The following PBX1 variants were observed in gnomAD, a reference collection of about 807,000 sequenced individuals.
PBX1 encodes the protein pre-B-cell leukemia transcription factor 1.
Under a neutral mutation model 53.4 loss-of-function variants are expected in PBX1, and 6 were observed. The ratio of observed to expected loss-of-function variants is 0.11; its 90% CI spans 0.06 to 0.22. The LOEUF (loss-of-function observed/expected upper bound fraction) is 0.22. Among genes scored for constraint, PBX1 ranks in the 10% least tolerant of loss-of-function variants. The pLI, the probability that PBX1 is intolerant of heterozygous loss-of-function variation, is 1.00. For synonymous variants in PBX1, 204 were observed against 212.3 expected (o/e 0.96, Z 0.34); for missense variants, 251 against 551.4 (o/e 0.46, Z 5.46).
intron 8 of PBX1, among the ~76,000 whole-genome samples, chr1:164,842,128 G>A (rs1009309321): frequency 1.2e-4 from 18 of 152,296 alleles, no homozygotes; most frequent in African/African-American, 2.4e-4. Context: ...CCCTGCAGCC[G>A]CTGCTCAGGG....
chr1:164,827,989 G>C (rs1670550406), intron 8 of PBX1, among the ~76,000 whole-genome samples: 1 of 152,122 alleles, frequency 6.6e-6, no homozygotes, highest in African/African-American at 2.4e-5. Flanking sequence ...GTTCCTAGAA[G>C]ACTAGACCAA....
chr1:164,778,497 C>T (rs541848410), intron 2 of PBX1, among the ~76,000 whole-genome samples: 2 of 152,022 alleles, frequency 1.3e-5, no homozygotes, highest in African/African-American at 4.8e-5. Context: ...AGTAGCCGGG[C>T]GTGGTAGTGT....
At chr1:164,864,964 G>A (rs779446957) in intron 2 of PBX1, among the ~76,000 whole-genome samples, 8 of 152,208 alleles carry the variant, frequency 5.3e-5, no homozygotes, top group Non-Finnish European at 1.0e-4. Context: ...GAGGTCATCC[G>A]TCTGATCTAG....
intron 2 of PBX1, among the ~76,000 whole-genome samples, chr1:164,777,726 C>T (rs1414558216): frequency 6.6e-6 from 1 of 152,132 alleles, no homozygotes; most frequent in African/African-American, 2.4e-5. Flanking sequence ...GCCATCCTGT[C>T]CTCAGTTTTG....
chr1:164,735,630 G>A (rs902986912), intron 2 of PBX1, among the ~76,000 whole-genome samples: 1 of 152,196 alleles, frequency 6.6e-6, no homozygotes, highest in South Asian at 2.1e-4. Flanking sequence ...AGCGGGAGAG[G>A]TGGGGTAACA....
chr1:164,658,118 T>A (rs1386236932), intron 2 of PBX1, among the ~76,000 whole-genome samples: 1 of 145,920 alleles, frequency 6.9e-6, no homozygotes, highest in Non-Finnish European at 1.5e-5. Flanking sequence ...TCTTAACTCA[T>A]AATGGCATTC....
Position 164,581,385 on chromosome 1 carries a change from G to A in PBX1, c.265+18074G>A, listed in dbSNP as rs187309302. On this transcript the variant is annotated intron_variant, in intron 2 of 8. Transcript: ENST00000420696. ...TGGGATTACAGGCACGGGCCACCGC[G>A]CCTGGCTAATTTTTGTATTTTTAGT... Among the ~76,000 whole-genome samples the A allele has an allele frequency of 8.6e-5, 13 of 151,878 alleles. 1 individual carries two copies. The highest frequency in any genetic ancestry group is 1.9e-4 in the African/African-American group (8 of 41,432).
chr1:164,760,760 T>C (rs546415549), intron 2 of PBX1, among the ~76,000 whole-genome samples: 2 of 152,190 alleles, frequency 1.3e-5, no homozygotes, highest in African/African-American at 2.4e-5. Flanking sequence ...CTGGTTCAAT[T>C]ATAAATGAAA....
rs991074761 is a variant in PBX1 at position 164,589,533 on chromosome 1, C to A, written c.265+26222C>A. Among the ~76,000 whole-genome samples, 11 of 152,116 alleles carry A rather than the reference C, an allele frequency of 7.2e-5. No homozygotes were observed. In the South Asian group the frequency reaches 1.9e-3, roughly 26 times the overall value. Reference sequence around the variant, plus strand: ...TTCAGGACACCAGAGAACCATAGAGCAAATTACTTCTTCCAGAGTGCTAAA... The same window carrying A: ...TTCAGGACACCAGAGAACCATAGAGAAAATTACTTCTTCCAGAGTGCTAAA... On this transcript the variant is annotated intron_variant, in intron 2 of 8. Transcript: ENST00000420696.
chr1:164,783,530 C>T (rs1668029610), intron 2 of PBX1, among the ~76,000 whole-genome samples: 1 of 152,142 alleles, frequency 6.6e-6, no homozygotes, highest in Admixed American at 6.5e-5. Context: ...TTATTCTTCC[C>T]AAAGGGATCT....
chr1:164,826,558 C>G (rs575911038), intron 8 of PBX1, among the ~76,000 whole-genome samples: 1 of 152,182 alleles, frequency 6.6e-6, no homozygotes, highest in South Asian at 2.1e-4. Context: ...GTTTGCACCA[C>G]CATGCCCAGC....
intron 2 of PBX1, among the ~76,000 whole-genome samples, chr1:164,578,307 C>T (rs1368588747): frequency 6.6e-6 from 1 of 152,140 alleles, no homozygotes; most frequent in Admixed American, 6.5e-5. Flanking sequence ...GCCCTATGTT[C>T]TGGAGATGTT....
downstream of PBX1, among the ~76,000 whole-genome samples, chr1:164,853,668 T>C (rs1476204348): frequency 6.6e-6 from 1 of 152,170 alleles, no homozygotes; most frequent in Non-Finnish European, 1.5e-5. Context: ...GCACCGAGCC[T>C]GTGGTCATTA....
intron 2 of PBX1, among the ~76,000 whole-genome samples, chr1:164,699,613 T>C (rs1198355834): frequency 6.6e-6 from 1 of 151,988 alleles, no homozygotes; most frequent in Non-Finnish European, 1.5e-5. Flanking sequence ...ACTATGAAGA[T>C]GAAAGGGGGA....
chr1:164,577,787 C>T (rs1456204484), intron 2 of PBX1, among the ~76,000 whole-genome samples: 1 of 152,090 alleles, frequency 6.6e-6, no homozygotes, highest in African/African-American at 2.4e-5. Context: ...TATAAATTTC[C>T]ACCAGCCTAG....
In PBX1 at chr1:164,846,712, C is replaced by G; in HGVS notation, c.*36C>G. Reference sequence around the variant, plus strand: ...ATCGCATCCCGGCTGACCCTGTGCCCCAGTTGGGGCAGGGGCAGGAGGGAG... The same window carrying G: ...ATCGCATCCCGGCTGACCCTGTGCCGCAGTTGGGGCAGGGGCAGGAGGGAG... On this transcript the variant is annotated 3_prime_UTR_variant, in exon 9 of 9. Transcript: ENST00000420696. 6.2e-7 allele frequency: 1 copy of G among 1,613,888 alleles called. No individual in the cohort carries two copies. The highest frequency in any genetic ancestry group is 8.5e-7 in the Non-Finnish European group (1 of 1,179,916).
chr1:164,793,874 T>TTTTTTTTTTTTTTTTTTTTTATTTCTG (rs1668654753), intron 3 of PBX1, among the ~76,000 whole-genome samples: 1 of 132,344 alleles, frequency 7.6e-6, no homozygotes, highest in Non-Finnish European at 1.6e-5. Context: ...TTTCCTTTCT[T>TTTTTTTTTTTTTTTTTTTTTATTTCTG]TTTTTTTTTT....
intron 2 of PBX1, among the ~76,000 whole-genome samples, chr1:164,760,443 T>A (rs1036692762): frequency 1.4e-5 from 2 of 141,118 alleles, no homozygotes; most frequent in East Asian, 4.8e-4. Flanking sequence ...TCCCTTCCCT[T>A]CCTTCCTCCT....
At chr1:164,641,408 G>C (rs1002808551) in intron 2 of PBX1, 1 of 153,098 alleles carries the variant, frequency 6.5e-6, no homozygotes, top group East Asian at 1.9e-4. Flanking sequence ...AAGCCACCAG[G>C]CCATTTTCCT....
Sources: gnomAD v4.1 joint callset for allele counts (sites outside exome capture counted in the v4.1 genomes callset) on GRCh38, gnomAD v4.1.1 for gene constraint, MANE v1.5 for transcripts, NCBI Gene and HGNC (gene_info 2026-07-23, HGNC 2026-07-21) for gene names.